Variants in BARX2 observed in about 807,000 individuals in gnomAD.
The protein encoded by BARX2 is homeobox protein BarH-like 2.
BARX2 carries 11 observed loss-of-function variants against 25.5 expected under a neutral mutation model. That is an observed-to-expected ratio of 0.43 (90% CI 0.27 to 0.71). The LOEUF (loss-of-function observed/expected upper bound fraction) is 0.71, where lower values mean the gene tolerates loss of function less well. Among genes scored for constraint, BARX2 ranks in the 30% least tolerant of loss-of-function variants. The pLI is 0.19. For synonymous variants in BARX2, 137 were observed against 149.5 expected (o/e 0.92, Z 0.61); for missense variants, 360 against 359.9 (o/e 1.00, Z 0.00).
chr11:129,376,113 G>T lies in BARX2; in HGVS notation c.78G>T (p.Met26Ile), dbSNP rs1861500864. The T allele has an allele frequency of 6.2e-6, 10 of 1,613,278 alleles. No individual in the cohort carries two copies. The highest frequency in any genetic ancestry group is 8.5e-6 in the Non-Finnish European group (10 of 1,179,664). The stretch of plus-strand genomic sequence containing the variant: ...CCAGGCGGCGCTACAAGACTTTCAT[G>T]ATCGACGAGATCCTCTCCAAGGAGA... ...KAARRRYKTF[M>I]IDEILSKETC... Residue 26 changes from methionine (M) to isoleucine (I), a missense_variant, in exon 1 of 4, where the codon ATG becomes ATT. This residue lies in a region of BARX2 where 240 missense variants were observed against 228.7 expected (regional missense o/e 1.05). Coordinates refer to ENST00000281437, the MANE Select transcript of BARX2 (RefSeq NM_003658.5). The surrounding 1 kb of genome is among the most constrained non-coding windows in gnomAD (Gnocchi z 4.2).
chr11:129,378,853 A>C (rs1338359077), intron 1 of BARX2, among the ~76,000 whole-genome samples: 1 of 152,060 alleles, frequency 6.6e-6, no homozygotes, highest in Admixed American at 6.6e-5. Context: ...TAAAAAAAAA[A>C]AAAACACTGC....
intron 1 of BARX2, among the ~76,000 whole-genome samples, chr11:129,431,018 C>T (rs143955009): frequency 1.4e-3 from 206 of 152,268 alleles, no homozygotes; most frequent in African/African-American, 4.6e-3. Context: ...CGCACCACCA[C>T]GCCCGACTAA....
intron 2 of BARX2, among the ~76,000 whole-genome samples, chr11:129,442,178 G>A (rs1192435361): frequency 1.3e-5 from 2 of 152,284 alleles, no homozygotes; most frequent in Non-Finnish European, 1.5e-5. Flanking sequence ...CCATTAAGAA[G>A]TATTTTTTGA....
In BARX2 at chr11:129,441,697, G is replaced by A. The variant is rs543109805; in HGVS notation, c.489-1138G>A. Among the ~76,000 whole-genome samples, 38 of 152,246 alleles carry A rather than the reference G, an allele frequency of 2.5e-4. No homozygotes were observed. In the South Asian group the frequency reaches 5.0e-3, roughly 20 times the overall value. On this transcript the variant is annotated intron_variant, in intron 2 of 3. Coordinates refer to ENST00000281437, the MANE Select transcript of BARX2 (RefSeq NM_003658.5). Reference sequence around the variant, plus strand: ...ACTTCTGACCTCAGGTGATCCACCCGCCTCGGCCTCCCAAAGTGCTGGGAT... The same window carrying A: ...ACTTCTGACCTCAGGTGATCCACCCACCTCGGCCTCCCAAAGTGCTGGGAT...
At chr11:129,435,226 A>C (rs1186128940) in intron 1 of BARX2, among the ~76,000 whole-genome samples, 1 of 152,192 alleles carries the variant, frequency 6.6e-6, no homozygotes, top group East Asian at 1.9e-4. Context: ...TCTTAAAAAG[A>C]ATCCACAGCA....
chr11:129,404,056 T>G (rs1488091847), intron 1 of BARX2, among the ~76,000 whole-genome samples: 1 of 152,240 alleles, frequency 6.6e-6, no homozygotes, highest in Non-Finnish European at 1.5e-5. Context: ...ATCAAAGATT[T>G]CATGAAAAAT....
At chr11:129,448,326 A>G (rs913324666) in intron 3 of BARX2, among the ~76,000 whole-genome samples, 13 of 152,220 alleles carry the variant, frequency 8.5e-5, no homozygotes, top group Admixed American at 7.8e-4. Context: ...TGTGAAGGAC[A>G]TCATTAGAAA....
At chr11:129,437,119 G>A in intron 2 of BARX2, 68 bp downstream of exon 2, 2 of 1,437,868 alleles carry the variant, frequency 1.4e-6, no homozygotes, top group Non-Finnish European at 1.8e-6. Flanking sequence ...CTCCCATTGT[G>A]GGCCGTGGAG....
upstream of BARX2, chr11:129,375,817 T>C (rs1861495599): frequency 6.5e-6 from 1 of 154,116 alleles, no homozygotes; most frequent in African/African-American, 2.4e-5. This position sits in a 1 kb window ranked among gnomAD's most constrained non-coding sequence, Gnocchi z 4.0. Flanking sequence ...AGCTGCGTTG[T>C]CCCAAAAAGG....
chr11:129,445,013 TA>T (rs1862307871), intron 3 of BARX2, among the ~76,000 whole-genome samples: 1 of 136,198 alleles, frequency 7.3e-6, no homozygotes, highest in African/African-American at 3.7e-5. Context: ...AAAATAAAAA[TA>T]AAATAAATAA....
intron 1 of BARX2, among the ~76,000 whole-genome samples, chr11:129,431,521 T>C (rs1459314979): frequency 6.6e-6 from 1 of 152,206 alleles, no homozygotes; most frequent in African/African-American, 2.4e-5. Flanking sequence ...CTCTCTGTGG[T>C]TTTTAATTTG....
chr11:129,418,159 CA>C (rs1175056535), intron 1 of BARX2, among the ~76,000 whole-genome samples: 1 of 152,126 alleles, frequency 6.6e-6, no homozygotes, highest in East Asian at 1.9e-4. Flanking sequence ...ATTGACTAAT[CA>C]GGGGAAACCC....
intron 1 of BARX2, among the ~76,000 whole-genome samples, chr11:129,401,161 ACATTGC>A (rs1861771493): frequency 6.6e-6 from 1 of 152,256 alleles, no homozygotes. Context: ...GATAGAATCA[ACATTGC>A]AGTAAATTTA....
chr11:129,412,765 G>A (rs1861903182), intron 1 of BARX2, among the ~76,000 whole-genome samples: 1 of 152,194 alleles, frequency 6.6e-6, no homozygotes, highest in South Asian at 2.1e-4. Flanking sequence ...TCTCGGCCCT[G>A]TTGCAGCTAG....
At chr11:129,396,905 A>G (rs1016046251) in intron 1 of BARX2, among the ~76,000 whole-genome samples, 1 of 152,128 alleles carries the variant, frequency 6.6e-6, no homozygotes, top group African/African-American at 2.4e-5. Flanking sequence ...TCACACACAA[A>G]TGAACTCCCA....
chr11:129,378,563 C>CTTTTTT (rs56804728), intron 1 of BARX2, among the ~76,000 whole-genome samples: 539 of 111,124 alleles, frequency 4.9e-3, no homozygotes, highest in Non-Finnish European at 6.0e-3. Context: ...TTTTCTTTTT[C>CTTTTTT]TTTTTTTTTT....
chr11:129,392,158 G>A lies in BARX2; in HGVS notation c.187+15936G>A, dbSNP rs540165724. ...AGACCTCTCAGGAAGGATGAAGCAC[G>A]ACTCTCTCTAGTTGCTCTCTTATTT... On this transcript the variant is annotated intron_variant, in intron 1 of 3. Transcript: ENST00000281437. Among the ~76,000 whole-genome samples the A allele has an allele frequency of 4.6e-5, 7 of 152,298 alleles. No individual in the cohort carries two copies. The East Asian group carries it at 5.8e-4, about 13-fold the overall frequency.
chr11:129,379,142 C>T (rs1341023518), intron 1 of BARX2, among the ~76,000 whole-genome samples: 4 of 152,090 alleles, frequency 2.6e-5, no homozygotes, highest in Non-Finnish European at 5.9e-5. Context: ...TTTCCTAGTA[C>T]GTCTCGTAAA....
intron 1 of BARX2, among the ~76,000 whole-genome samples, chr11:129,401,727 G>A (rs546125002): frequency 1.6e-3 from 245 of 152,190 alleles, no homozygotes; most frequent in African/African-American, 5.7e-3. Flanking sequence ...AGGCTGAGGC[G>A]GGCAGATCAC....
Sources: gnomAD v4.1 joint callset for allele counts (sites outside exome capture counted in the v4.1 genomes callset) on GRCh38, gnomAD v4.1.1 for gene constraint, gnomAD v4.1.1 regional missense constraint, Gnocchi (gnomAD v3.1) non-coding constraint, MANE v1.5 for transcripts, NCBI Gene and HGNC (gene_info 2026-07-23, HGNC 2026-07-21) for gene names.